ACOT12: variants seen among roughly 807,000 people sequenced by gnomAD.
ACOT12 encodes the protein acyl-CoA thioesterase 12, also known as acetyl-coenzyme A thioesterase.
A neutral mutation model predicts 67.7 loss-of-function variants in ACOT12; 51 were observed. That is an observed-to-expected ratio of 0.75 (90% CI 0.60 to 0.95). The LOEUF (loss-of-function observed/expected upper bound fraction) is 0.95. Ranked by LOEUF, ACOT12 falls within the 40% of genes least tolerant of loss-of-function variation. The probability of loss-of-function intolerance (pLI) is 0.00; values close to 1 mark genes in which losing one functional copy is unlikely to be tolerated. For synonymous variants in ACOT12, 251 were observed against 244.6 expected (o/e 1.03, Z -0.24); for missense variants, 734 against 708.1 (o/e 1.04, Z -0.41).
rs544372623 is a variant in ACOT12, at chr5:81,392,387, T to C, written c.127+1601A>G. ...CATGTTGCCCAAACCAACTTTATCA[T>C]ACAGGTTTTCTTAATATTAGTAACA... is the stretch of plus-strand genomic sequence containing the variant. On this transcript the variant is annotated intron_variant, in intron 1 of 14. Transcript: ENST00000307624. Among the ~76,000 whole-genome samples the C allele has an allele frequency of 2.5e-4, 38 of 152,340 alleles. 1 individual carries two copies. The South Asian group carries it at 6.8e-3, about 27-fold the overall frequency.
chr5:81,378,174 T>G (rs1284545297), intron 2 of ACOT12, among the ~76,000 whole-genome samples: 1 of 152,082 alleles, frequency 6.6e-6, no homozygotes, highest in Non-Finnish European at 1.5e-5. Context: ...GCTTCAGAAA[T>G]AACACCACAC....
chr5:81,327,496 A>G (rs1357423870), downstream of ACOT12, among the ~76,000 whole-genome samples: 1 of 152,336 alleles, frequency 6.6e-6, no homozygotes, highest in African/African-American at 2.4e-5. Context: ...GCTGGAGTGC[A>G]GTGGCACGAT....
chr5:81,359,459 C>G (rs546204429), intron 5 of ACOT12, among the ~76,000 whole-genome samples: 2 of 152,292 alleles, frequency 1.3e-5, no homozygotes, highest in South Asian at 4.2e-4. Flanking sequence ...TCTGCTCATA[C>G]CCCATATGAT....
At chr5:81,360,422 G>C in intron 4 of ACOT12, among the ~76,000 whole-genome samples, 1 of 148,346 alleles carries the variant, frequency 6.7e-6, no homozygotes, top group East Asian at 1.9e-4. Context: ...CAAAGAGAGG[G>C]AATAAATTTT....
chr5:81,348,125 G>A (rs1011571893), intron 5 of ACOT12, among the ~76,000 whole-genome samples, 195 bp from the exon 6 acceptor site: 6 of 152,134 alleles, frequency 3.9e-5, no homozygotes, highest in African/African-American at 1.4e-4. Context: ...CAATGAATTG[G>A]GTTAAGATAA....
intron 2 of ACOT12, among the ~76,000 whole-genome samples, chr5:81,375,225 C>T (rs1192534137): frequency 6.6e-6 from 1 of 152,182 alleles, no homozygotes; most frequent in Non-Finnish European, 1.5e-5. Flanking sequence ...CCCGGAATTT[C>T]ATATCCAGGC....
the ACOT12 span, among the ~76,000 whole-genome samples, chr5:81,310,157 T>TAAAAAAAAAAAAAAAAAAAAAA: frequency 1.3e-4 from 14 of 104,760 alleles, no homozygotes; most frequent in African/African-American, 4.4e-4. Flanking sequence ...TGACTAGCTG[T>TAAAAAAAAAAAAAAAAAAAAAA]AAAAAAAAAA....
At chr5:81,351,201 TTCTC>T (rs1425515345) in intron 5 of ACOT12, among the ~76,000 whole-genome samples, 1 of 152,236 alleles carries the variant, frequency 6.6e-6, no homozygotes, top group African/African-American at 2.4e-5. Context: ...CCCTTTCAAT[TTCTC>T]TCTCTTTCTA....
intron 10 of ACOT12, among the ~76,000 whole-genome samples, chr5:81,343,039 G>A (rs1040092042): frequency 2.6e-5 from 4 of 151,986 alleles, no homozygotes; most frequent in East Asian, 1.9e-4. Flanking sequence ...AAAATTAGCC[G>A]GGTGTTGTAG....
the ACOT12 span, chr5:81,312,672 G>A: frequency 6.3e-6 from 10 of 1,584,180 alleles, no homozygotes; most frequent in Non-Finnish European, 8.7e-6. Context: ...ATAACAGCTA[G>A]CACTATCATG....
chr5:81,312,636 A>C, the ACOT12 span: 2 of 1,613,658 alleles, frequency 1.2e-6, no homozygotes, highest in Admixed American at 3.3e-5. Flanking sequence ...ACCCAAAACA[A>C]AAATACCTAA....
At chr5:81,350,445 T>G (rs542335248) in intron 5 of ACOT12, among the ~76,000 whole-genome samples, 3 of 152,248 alleles carry the variant, frequency 2.0e-5, no homozygotes, top group Non-Finnish European at 2.9e-5. Flanking sequence ...ATCTGCTGTC[T>G]TTGTGGGCCT....
intron 10 of ACOT12, 36 bp downstream of exon 10, chr5:81,343,782 C>A (rs1759280853): frequency 6.2e-7 from 1 of 1,604,532 alleles, no homozygotes; most frequent in African/African-American, 1.3e-5. Flanking sequence ...AATGATGAGA[C>A]TTTTATATGA....
At chr5:81,392,720 A>G (rs1446547194) in intron 1 of ACOT12, among the ~76,000 whole-genome samples, 1 of 151,384 alleles carries the variant, frequency 6.6e-6, no homozygotes, top group Non-Finnish European at 1.5e-5. Flanking sequence ...TCATGTTTCC[A>G]TTGTTAATAT....
intron 1 of ACOT12, among the ~76,000 whole-genome samples, chr5:81,391,206 GCT>G (rs1189394106): frequency 2.0e-5 from 3 of 152,132 alleles, no homozygotes; most frequent in Non-Finnish European, 4.4e-5. Flanking sequence ...AGATTTTAGG[GCT>G]CTGTCTCTCT....
chr5:81,363,752 T>C, intron 4 of ACOT12, 36 bp downstream of exon 4: 1 of 1,506,388 alleles, frequency 6.6e-7, no homozygotes, highest in East Asian at 2.3e-5. Context: ...TGTCCCTGAA[T>C]TACATGCTAG....
intron 13 of ACOT12, among the ~76,000 whole-genome samples, chr5:81,331,307 G>A (rs1368996970): frequency 1.3e-5 from 2 of 152,224 alleles, no homozygotes; most frequent in Non-Finnish European, 2.9e-5. Context: ...GGAGGCTGAG[G>A]CAGGCAGATC....
At chr5:81,326,685 G>A (rs1435520609), downstream of ACOT12, among the ~76,000 whole-genome samples, 1 of 152,214 alleles carries the variant, frequency 6.6e-6, no homozygotes, top group Non-Finnish European at 1.5e-5. Context: ...AGCGAGCACT[G>A]TAGCAGGCAG....
At chr5:81,375,784 A>T (rs1479121269) in intron 2 of ACOT12, among the ~76,000 whole-genome samples, 1 of 152,206 alleles carries the variant, frequency 6.6e-6, no homozygotes, top group Admixed American at 6.5e-5. Flanking sequence ...CAACAAGAAG[A>T]GTAACTATCC....
Sources: allele counts gnomAD v4.1 joint callset (sites outside exome capture counted in the v4.1 genomes callset), GRCh38; gene constraint gnomAD v4.1.1; transcripts MANE v1.5; gene names NCBI Gene and HGNC (gene_info 2026-07-23, HGNC 2026-07-21).